ALOX12B: variants seen among roughly 807,000 people sequenced by gnomAD.
The protein encoded by ALOX12B is arachidonate 12-lipoxygenase, 12R-type.
A neutral mutation model predicts 78.9 loss-of-function variants in ALOX12B; 47 were observed. The observed-to-expected ratio is 0.60, with a 90% CI of 0.47 to 0.76. The LOEUF is 0.76. Ranked by LOEUF, ALOX12B falls within the 30% of genes least tolerant of loss-of-function variation. The probability of loss-of-function intolerance (pLI) is 0.00; values close to 1 mark genes in which losing one functional copy is unlikely to be tolerated. For synonymous variants in ALOX12B, 370 were observed against 374.5 expected (o/e 0.99, Z 0.14); for missense variants, 805 against 922.6 (o/e 0.87, Z 1.65).
intron 11 of ALOX12B, 67 bp downstream of exon 11, chr17:8,076,108 C>T: frequency 6.2e-7 from 1 of 1,602,762 alleles, no homozygotes; most frequent in South Asian, 1.1e-5. Flanking sequence ...TCTAGAAGCT[C>T]CCCACACCCT....
At chr17:8,075,185 TGTGTACCCAG>T (rs761611576) in intron 12 of ALOX12B, among the ~76,000 whole-genome samples, 3 of 152,150 alleles carry the variant, frequency 2.0e-5, no homozygotes, top group Admixed American at 6.5e-5. Context: ...ATTTGTTGAG[TGTGTACCCAG>T]GTGGCGGGAC....
At chr17:8,083,480 C>G (rs776797023) in intron 2 of ALOX12B, among the ~76,000 whole-genome samples, 2 of 152,148 alleles carry the variant, frequency 1.3e-5, no homozygotes, top group Non-Finnish European at 2.9e-5. Flanking sequence ...CCTGTAATCC[C>G]AGCACTTTGG....
chr17:8,074,436 G>A (rs762096921), intron 12 of ALOX12B, among the ~76,000 whole-genome samples: 1 of 151,826 alleles, frequency 6.6e-6, no homozygotes, highest in African/African-American at 2.4e-5. Flanking sequence ...AGTCTGAAAC[G>A]TGGAGTCGCC....
chr17:8,079,283 C>T lies in ALOX12B; in HGVS notation c.1071+113G>A. The T allele has an allele frequency of 6.9e-7, 1 of 1,440,552 alleles. No individual in the cohort carries two copies. Among genetic ancestry groups the T allele is most frequent in the Non-Finnish European group, 9.3e-7 (1 of 1,071,590 alleles). 89.2% of individuals were successfully genotyped at this position (1,440,552 alleles called of 1,614,324 possible). ...CCTGGAACCAATCTCTCAAGGATAA[C>T]GAGAGACGGCTGAATACATGCAGGT... On this transcript the variant is annotated intron_variant, in intron 8 of 14. Coordinates refer to ENST00000647874, the MANE Select transcript of ALOX12B (RefSeq NM_001139.3). The surrounding 1 kb of genome is among the most constrained non-coding windows in gnomAD (Gnocchi z 6.4).
rs948631371 is a variant in ALOX12B at position 8,079,376 on chromosome 17, G to T, written c.1071+20C>A. 1.9e-4 allele frequency: 291 copies of T among 1,551,334 alleles called. No individual in the cohort carries two copies. The highest frequency in any genetic ancestry group is 2.5e-4 in the Non-Finnish European group (284 of 1,147,804). On this transcript the variant is annotated intron_variant, in intron 8 of 14. Transcript: ENST00000647874. This position sits in a 1 kb window ranked among gnomAD's most constrained non-coding sequence, Gnocchi z 6.4. ...GCGCACACAGAGGCTCAGCGGCAGC[G>T]CCGCCTGCAGCCCAGGCACCTGGAT...
rs751607606 is a variant in ALOX12B, at chr17:8,072,846, G to GCGGATGT, written c.2024_2030dup (p.Gln678HisfsTer21). The GCGGATGT allele has an allele frequency of 6.2e-7, 1 of 1,614,216 alleles. No homozygotes were observed. The highest frequency in any genetic ancestry group is 8.5e-7 in the Non-Finnish European group (1 of 1,180,040). Reference sequence around the variant, plus strand: ...GGATGGGAAGGCACTTGTTGCGCTGGCGGATGTCGTGTGAGATCTGGTTCA... The same window carrying GCGGATGT: ...GGATGGGAAGGCACTTGTTGCGCTGGCGGATGTCGGATGTCGTGTGAGATCTGGTTCA... On this transcript the variant is annotated frameshift_variant, in exon 15 of 15. Transcript: ENST00000647874.
Position 8,080,957 on chromosome 17 carries a change from C to G in ALOX12B, c.454G>C (p.Gly152Arg). Residue 152 changes from glycine to arginine, a missense_variant, in exon 4 of 15, where the codon GGC becomes CGC. Physicochemically the swap from Gly to Arg is moderately radical, Grantham distance 125. Coordinates refer to ENST00000647874, the MANE Select transcript of ALOX12B (RefSeq NM_001139.3). The surrounding 1 kb of genome is among the most constrained non-coding windows in gnomAD (Gnocchi z 4.8). ...GGAATGTGCACATAGCTGGGCAGGC[C>G]AGGAAGAAAGACTCGCCAGCTGCAA... is the stretch of plus-strand genomic sequence containing the variant. Reference protein sequence around the residue: ...DFYHWRVFLPGLPSYVHIPSY... With the variant: ...DFYHWRVFLPRLPSYVHIPSY... 6.2e-7 allele frequency: 1 copy of G among 1,613,894 alleles called. No homozygotes were observed. The highest frequency in any genetic ancestry group is 8.5e-7 in the Non-Finnish European group (1 of 1,180,010).
chr17:8,086,900 G>A (rs1404262937), intron 1 of ALOX12B, among the ~76,000 whole-genome samples: 1 of 151,988 alleles, frequency 6.6e-6, no homozygotes. Context: ...GGAAAGGATT[G>A]AGAAAAGAGA....
At chr17:8,078,370 A>G (rs1483363958) in intron 8 of ALOX12B, among the ~76,000 whole-genome samples, 1 of 150,300 alleles carries the variant, frequency 6.7e-6, no homozygotes, top group Admixed American at 6.6e-5. Flanking sequence ...GCTGGTCTTG[A>G]GCTCCTGACC....
Position 8,080,869 on chromosome 17 carries a change from G to C in ALOX12B, c.527+15C>G. On this transcript the variant is annotated intron_variant, in intron 4 of 14. Transcript: ENST00000647874. This position sits in a 1 kb window ranked among gnomAD's most constrained non-coding sequence, Gnocchi z 4.8. ...AAAACCATGGGCGGGGCCCAGCACA[G>C]CTTCGGGTCCTTACTCAGGCCGGTT... The C allele has an allele frequency of 1.2e-6, 2 of 1,613,934 alleles. No homozygotes were observed. Among genetic ancestry groups the C allele is most frequent in the Non-Finnish European group, 1.7e-6 (2 of 1,179,988 alleles).
chr17:8,086,986 A>T (rs553849615), intron 1 of ALOX12B, among the ~76,000 whole-genome samples: 1 of 152,204 alleles, frequency 6.6e-6, no homozygotes, highest in South Asian at 2.1e-4. Flanking sequence ...GAGGGAGATG[A>T]GGAATGCCTG....
rs77825149 is a variant in ALOX12B, at chr17:8,072,636, G to A, written c.*135C>T. On this transcript the variant is annotated 3_prime_UTR_variant, in exon 15 of 15. Transcript: ENST00000647874. ...GCGCGCATTCACAGCCAGACCCAGGGAAAGGAAGGTTTTTTGTTTTTTTGT... is the reference window on the plus strand; with the variant it reads ...GCGCGCATTCACAGCCAGACCCAGGAAAAGGAAGGTTTTTTGTTTTTTTGT... 1.8e-4 allele frequency: 238 copies of A among 1,329,606 alleles called. 2 individuals are homozygous for A. In the African/African-American group the frequency reaches 2.8e-3, roughly 16 times the overall value. 82.4% of individuals were successfully genotyped at this position (1,329,606 alleles called of 1,614,324 possible). A position where few individuals can be genotyped will look rare whatever the true frequency, so the allele number is the denominator to read the frequency against.
rs1567980596 is a variant in ALOX12B at position 8,073,715 on chromosome 17, T to C, written c.1697A>G (p.Tyr566Cys). ...CLRTVPELIRYVTIVIYTCSA... is the reference protein window; with the variant it reads ...CLRTVPELIRCVTIVIYTCSA... ...GCAGGTGTAGATGACTATAGTGACA[T>C]ATCGGATCAGCTCAGGCACGGTTCG... The change falls in exon 13 of 15, where the codon TAT becomes TGT. Residue 566 changes from tyrosine to cysteine, a missense_variant. Tyr to Cys is a radical substitution (Grantham distance 194). Coordinates refer to ENST00000647874, the MANE Select transcript of ALOX12B (RefSeq NM_001139.3). 4 of 1,613,662 alleles carry C rather than the reference T, an allele frequency of 2.5e-6. No homozygotes were observed. Among genetic ancestry groups the C allele is most frequent in the Middle Eastern group, 1.6e-4 (1 of 6,062 alleles).
At position 8,072,785 on chromosome 17, in the gene ALOX12B, T is replaced by C; in HGVS notation, c.2092A>G (p.Ser698Gly). The C allele has an allele frequency of 6.2e-7, 1 of 1,614,238 alleles. No homozygotes were observed. The highest frequency in any genetic ancestry group is 8.5e-7 in the Non-Finnish European group (1 of 1,180,040). Residue 698 changes from serine to glycine, a missense_variant, in exon 15 of 15, where the codon AGC becomes GGC. Transcript: ENST00000647874. Reference protein sequence around the residue: ...YYLDPVLIENSISI With the variant: ...YYLDPVLIENGISI Reference sequence around the variant, plus strand: ...GAAGCGCGCTCCTAAATAGAAATGCTGTTCTCAATCAGCACCGGGTCCAGG... The same window carrying C: ...GAAGCGCGCTCCTAAATAGAAATGCCGTTCTCAATCAGCACCGGGTCCAGG...
At position 8,077,117 on chromosome 17, in the gene ALOX12B, G is replaced by A. The variant is rs760428119; in HGVS notation, c.1148C>T (p.Thr383Met). The change falls in exon 9 of 15, where the codon ACG (threonine) becomes ATG (methionine). Residue 383 changes from threonine to methionine, a missense_variant. Physicochemically the swap from Thr to Met is moderately conservative, Grantham distance 81. Transcript: ENST00000647874. ...DSEWDWLLAK[T>M]WVRYAEFYSH... ...GTAGAACTCCGCATAGCGTACCCAC[G>A]TCTTGGCTAGCAGCCAGTCCCACTC... is the stretch of plus-strand genomic sequence containing the variant. 1.4e-5 allele frequency: 22 copies of A among 1,613,472 alleles called. No homozygotes were observed. The highest frequency in any genetic ancestry group is 4.5e-5 in the East Asian group (2 of 44,896).
rs188383219 is a variant in ALOX12B at position 8,084,046 on chromosome 17, T to C, written c.352+1970A>G. On this transcript the variant is annotated intron_variant, in intron 2 of 14. Transcript: ENST00000647874. ...GGTGGCACTCGCCTGTAGTCCCAGC[T>C]ACTCAGGAGGCTGAGGCAGGAGAAT... Among the ~76,000 whole-genome samples, 61 of 152,048 alleles carry C rather than the reference T, an allele frequency of 4.0e-4. 2 individuals carry two copies. In the East Asian group the frequency reaches 0.011, roughly 27 times the overall value.
rs1296181498 is a variant in ALOX12B at position 8,080,571 on chromosome 17, T to C, written c.650+87A>G. On this transcript the variant is annotated intron_variant, in intron 5 of 14. Transcript: ENST00000647874. The surrounding 1 kb of genome is among the most constrained non-coding windows in gnomAD (Gnocchi z 4.8). ...CTGCCTTCCTGGCCATTCCAACCTC[T>C]GGGGCTGTCTTGGAGGCCGCCAAGG... 5 of 1,598,474 alleles carry C rather than the reference T, an allele frequency of 3.1e-6. No homozygotes were observed. The highest frequency in any genetic ancestry group is 4.3e-6 in the Non-Finnish European group (5 of 1,168,862).
At chr17:8,076,833 C>T in intron 9 of ALOX12B, 90 bp from the exon 10 acceptor site, 2 of 1,468,340 alleles carry the variant, frequency 1.4e-6, no homozygotes, top group Non-Finnish European at 1.9e-6. Context: ...CAGATCTGCT[C>T]ACTCTGGGAA....
At chr17:8,085,751 G>A (rs72845574) in intron 2 of ALOX12B, among the ~76,000 whole-genome samples, 210 of 152,328 alleles carry the variant, frequency 1.4e-3, no homozygotes, top group Non-Finnish European at 2.4e-3. Flanking sequence ...CGCACTCTGG[G>A]AATGCTGTCT....
Sources: allele counts gnomAD v4.1 joint callset (sites outside exome capture counted in the v4.1 genomes callset), GRCh38; gene constraint gnomAD v4.1.1; non-coding constraint Gnocchi (gnomAD v3.1); transcripts MANE v1.5; gene names NCBI Gene and HGNC (gene_info 2026-07-23, HGNC 2026-07-21).